The following TMTC4 variants were observed in gnomAD, a reference collection of about 807,000 sequenced individuals.
The protein encoded by TMTC4 is protein O-mannosyl-transferase TMTC4.
In TMTC4, 65 loss-of-function variants were observed where a neutral mutation model predicts 86.0. The ratio of observed to expected loss-of-function variants is 0.76; its 90% CI spans 0.62 to 0.93. The LOEUF is 0.93. Among genes scored for constraint, TMTC4 ranks in the 40% least tolerant of loss-of-function variants. The pLI is 0.00. For synonymous variants in TMTC4, 379 were observed against 382.5 expected (o/e 0.99, Z 0.11); for missense variants, 866 against 948.1 (o/e 0.91, Z 1.14).
intron 3 of TMTC4, among the ~76,000 whole-genome samples, chr13:100,666,599 T>C (rs1309543027): frequency 1.3e-5 from 2 of 152,236 alleles, no homozygotes; most frequent in African/African-American, 4.8e-5. Context: ...TCTTCTGCTT[T>C]ACACAAGTGG....
In TMTC4 at chr13:100,603,836, T is replaced by C. The variant is rs7984581; in HGVS notation, c.*1158A>G. ...CCAAGTCACACAGAAGCCACATAAA[T>C]GATGATTTGGTCAGTTTGATTTCAT... On this transcript the variant is annotated 3_prime_UTR_variant, in exon 19 of 19. Transcript: ENST00000342624. 1.3e-5 allele frequency: 2 copies of C among 152,332 alleles called. No homozygotes were observed. The highest frequency in any genetic ancestry group is 4.1e-4 in the South Asian group (2 of 4,828). The allele number at this position is 152,332 out of a possible 1,614,324, so 9.4% of individuals were successfully genotyped here.
At chr13:100,625,398 A>T in intron 15 of TMTC4, 137 bp downstream of exon 15, 1 of 1,181,036 alleles carries the variant, frequency 8.5e-7, no homozygotes, top group Non-Finnish European at 1.2e-6. Context: ...TCAAATAGCT[A>T]CCTTCAAATG....
At chr13:100,659,457 T>A (rs1765734) in intron 5 of TMTC4, among the ~76,000 whole-genome samples, 1 of 151,860 alleles carries the variant, frequency 6.6e-6, no homozygotes, top group South Asian at 2.1e-4. Context: ...TAAGGGGGCC[T>A]GAGCTTCTCT....
chr13:100,625,974 A>G lies in TMTC4; in HGVS notation c.1587-82T>C, dbSNP rs1291403996. The G allele has an allele frequency of 3.8e-6, 6 of 1,594,564 alleles. No individual in the cohort carries two copies. In the Admixed American group the frequency reaches 5.1e-5, roughly 13 times the overall value. Reference sequence around the variant, plus strand: ...TAAACTCTCAGGAATCGGTAAAGATATTGTAAAGTTGGGGTCTTTAAAGGA... The same window carrying G: ...TAAACTCTCAGGAATCGGTAAAGATGTTGTAAAGTTGGGGTCTTTAAAGGA... On this transcript the variant is annotated intron_variant, in intron 13 of 18. Transcript: ENST00000342624.
chr13:100,622,809 C>A (rs889417040), intron 15 of TMTC4, among the ~76,000 whole-genome samples: 2 of 151,938 alleles, frequency 1.3e-5, no homozygotes, highest in African/African-American at 2.4e-5. Context: ...TAAGTTTTAG[C>A]GTACATGTGC....
chr13:100,618,039 GAGATCCTTC>G (rs1481153199), intron 15 of TMTC4, among the ~76,000 whole-genome samples: 3 of 152,164 alleles, frequency 2.0e-5, no homozygotes, highest in Admixed American at 2.0e-4. Context: ...TCTCCTTGTA[GAGATCCTTC>G]ACCTCCTTGA....
At chr13:100,673,576 C>A (rs1021692151) in intron 1 of TMTC4, among the ~76,000 whole-genome samples, 1 of 152,200 alleles carries the variant, frequency 6.6e-6, no homozygotes, top group Non-Finnish European at 1.5e-5. Context: ...GGCAGGGGCG[C>A]GAGCCACCAC....
At chr13:100,645,194 C>T (rs547077857) in intron 6 of TMTC4, among the ~76,000 whole-genome samples, 1 of 152,300 alleles carries the variant, frequency 6.6e-6, no homozygotes, top group East Asian at 1.9e-4. Flanking sequence ...CTTTAAAGGC[C>T]TTGCTGAAGT....
At chr13:100,624,798 T>C (rs760662374) in intron 15 of TMTC4, 6 of 152,252 alleles carry the variant, frequency 3.9e-5, no homozygotes, top group East Asian at 1.9e-4. Context: ...ACAATGTTTA[T>C]TGAATACATC....
intron 1 of TMTC4, chr13:100,674,288 C>T (rs2786940): frequency 0.3 from 293,393 of 978,640 alleles, 45,088 homozygotes; most frequent in East Asian, 0.59. Flanking sequence ...GGCGGCCAAG[C>T]GGCCCGGCTG....
intron 1 of TMTC4, among the ~76,000 whole-genome samples, chr13:100,672,281 C>G (rs1472574586): frequency 6.6e-6 from 1 of 152,198 alleles, no homozygotes; most frequent in Non-Finnish European, 1.5e-5. Flanking sequence ...AAGGCGGGCC[C>G]TTCTTTTGGG....
chr13:100,634,892 C>T lies in TMTC4; in HGVS notation c.1419G>A (p.Thr473=), dbSNP rs747247632. Residue 473 remains threonine, a synonymous_variant, in exon 12 of 19, where the codon ACG becomes ACA. Coordinates refer to ENST00000342624, the MANE Select transcript of TMTC4 (RefSeq NM_032813.5). ...AVVLGILFIN[T]LRCVLRSGEW... ...CGCCGCTGCGCAGCACACATCTCAG[C>T]GTGTTGATGAATAAGATTCCCAGCA... 28 of 1,614,024 alleles carry T rather than the reference C, an allele frequency of 1.7e-5. No homozygotes were observed. The highest frequency in any genetic ancestry group is 3.3e-5 in the Admixed American group (2 of 60,000).
chr13:100,605,939 G>A lies in TMTC4; in HGVS notation c.2134+419C>T, dbSNP rs1423610156. Among the ~76,000 whole-genome samples, 3 of 152,164 alleles carry A rather than the reference G, an allele frequency of 2.0e-5. No homozygotes were observed. The highest frequency in any genetic ancestry group is 4.8e-5 in the African/African-American group (2 of 41,434). ...TAGCCAAGGCATAAGAGGATATAAA[G>A]CAGAAGACCAGGCTGGAAGGGGAAG... On this transcript the variant is annotated intron_variant, in intron 18 of 18. Transcript: ENST00000342624. The surrounding 1 kb of genome is among the most constrained non-coding windows in gnomAD (Gnocchi z 4.3).
At chr13:100,632,053 A>ACACCCTCTCT (rs1296569630) in intron 12 of TMTC4, among the ~76,000 whole-genome samples, 1 of 43,110 alleles carries the variant, frequency 2.3e-5, no homozygotes, top group Admixed American at 2.4e-4. Context: ...ACACACACAC[A>ACACCCTCTCT]CTCTCTCTCT....
chr13:100,628,276 G>A (rs912992145), intron 12 of TMTC4, among the ~76,000 whole-genome samples: 1 of 152,224 alleles, frequency 6.6e-6, no homozygotes, highest in African/African-American at 2.4e-5. Flanking sequence ...CGTGCCTCAT[G>A]TAAGTGGAAT....
chr13:100,623,804 G>T, intron 15 of TMTC4: 1 of 396,772 alleles, frequency 2.5e-6, no homozygotes, highest in Admixed American at 2.7e-5. Context: ...CCACAGCTGG[G>T]GCATTGCTGG....
At chr13:100,607,217 G>A (rs187621376) in intron 17 of TMTC4, among the ~76,000 whole-genome samples, 1 of 152,282 alleles carries the variant, frequency 6.6e-6, no homozygotes, top group Admixed American at 6.5e-5. Context: ...AGGGGAGCAT[G>A]CTTTCATCAG....
chr13:100,634,669 A>G, intron 12 of TMTC4, 136 bp downstream of exon 12: 1 of 1,132,118 alleles, frequency 8.8e-7, no homozygotes, highest in Non-Finnish European at 1.2e-6. Flanking sequence ...AAAACCATAC[A>G]TAACAAAGAA....
chr13:100,638,048 G>T, intron 7 of TMTC4, 26 bp from the exon 8 acceptor site: 1 of 1,594,946 alleles, frequency 6.3e-7, no homozygotes, highest in Non-Finnish European at 8.6e-7. Flanking sequence ...AAGACAATCA[G>T]CCACGGGAGA....
Sources: gnomAD v4.1 joint callset for allele counts (sites outside exome capture counted in the v4.1 genomes callset) on GRCh38, gnomAD v4.1.1 for gene constraint, Gnocchi (gnomAD v3.1) non-coding constraint, MANE v1.5 for transcripts, NCBI Gene and HGNC (gene_info 2026-07-23, HGNC 2026-07-21) for gene names.